Variants in RSU1 observed in about 807,000 individuals in gnomAD.
The protein encoded by RSU1 is rsu-1.
RSU1 carries 26 observed loss-of-function variants against 31.1 expected under a neutral mutation model. The ratio of observed to expected loss-of-function variants is 0.84; its 90% CI spans 0.61 to 1.16. RSU1 has a LOEUF of 1.16. Ranked by LOEUF, RSU1 falls within the 50% of genes most tolerant of loss-of-function variation. RSU1 has a pLI of 0.00. For missense variants in RSU1, 320 were observed against 339.1 expected, an observed-to-expected ratio of 0.94 and a Z score of 0.44; for synonymous variants, 164 against 136.3, an observed-to-expected ratio of 1.20 and a Z score of -1.41.
At chr10:16,806,236 A>G (rs1838264302) in intron 2 of RSU1, among the ~76,000 whole-genome samples, 1 of 152,204 alleles carries the variant, frequency 6.6e-6, no homozygotes, top group Admixed American at 6.5e-5. Flanking sequence ...ATTAGCCCAG[A>G]CAGGACAGCT....
At chr10:16,699,135 T>G (rs1365911747) in intron 7 of RSU1, among the ~76,000 whole-genome samples, 1 of 152,224 alleles carries the variant, frequency 6.6e-6, no homozygotes, top group Non-Finnish European at 1.5e-5. Context: ...GAAACTATTA[T>G]AAATGACAGA....
rs1169637557 is a variant in RSU1, at chr10:16,725,199, AAGAG to A, written c.598+27336_598+27339del. 3.3e-5 allele frequency among the ~76,000 whole-genome samples: 5 copies of A among 152,100 alleles called. No individual in the cohort carries two copies. In the East Asian group the frequency reaches 5.8e-4, roughly 18 times the overall value. On this transcript the variant is annotated intron_variant, in intron 7 of 8. Transcript: ENST00000345264. Reference sequence around the variant, plus strand: ...TTAATAAATATAGTAGAGATGGGAGAAGAGAGAGAGAATATGAATAAATAAAAAT... The same window carrying A: ...TTAATAAATATAGTAGAGATGGGAGAAGAGAGAATATGAATAAATAAAAAT...
intron 8 of RSU1, among the ~76,000 whole-genome samples, chr10:16,609,954 G>A (rs912999974): frequency 6.6e-6 from 1 of 152,092 alleles, no homozygotes; most frequent in Non-Finnish European, 1.5e-5. Context: ...AGCCATGAAT[G>A]TAGCTTTAAA....
rs78247117 is a variant in RSU1 at position 16,637,020 on chromosome 10, G to A, written c.732-43524C>T. Among the ~76,000 whole-genome samples the A allele has an allele frequency of 9.4e-3, 1,429 of 151,872 alleles. 21 individuals carry two copies. The highest frequency in any genetic ancestry group is 0.033 in the African/African-American group (1,371 of 41,466). On this transcript the variant is annotated intron_variant, in intron 8 of 8. Transcript: ENST00000345264. ...ATAAATATTGGCTGAATAAATGAATGAATAATAAAAAAACGGCTATGCTTG... is the reference window on the plus strand; with the variant it reads ...ATAAATATTGGCTGAATAAATGAATAAATAATAAAAAAACGGCTATGCTTG...
chr10:16,758,170 G>A (rs1243327941), intron 4 of RSU1, among the ~76,000 whole-genome samples: 3 of 152,016 alleles, frequency 2.0e-5, no homozygotes, highest in African/African-American at 4.8e-5. Context: ...CGGGCAGAAA[G>A]AAGTCCTTAA....
chr10:16,703,558 G>T (rs531104504), intron 7 of RSU1, among the ~76,000 whole-genome samples: 1 of 152,184 alleles, frequency 6.6e-6, no homozygotes, highest in South Asian at 2.1e-4. Flanking sequence ...ATGTCTAGGG[G>T]GTTGGTTCAT....
chr10:16,794,990 T>G (rs1181417935), intron 2 of RSU1, among the ~76,000 whole-genome samples: 1 of 152,230 alleles, frequency 6.6e-6, no homozygotes, highest in African/African-American at 2.4e-5. Flanking sequence ...GAAAAAAGAT[T>G]ATTTATGTAA....
intron 2 of RSU1, among the ~76,000 whole-genome samples, chr10:16,816,320 C>A (rs1416334884): frequency 6.6e-6 from 1 of 152,104 alleles, no homozygotes; most frequent in African/African-American, 2.4e-5. Context: ...CCCCTGACCG[C>A]CCTCACTTGG....
chr10:16,680,540 AG>A, intron 8 of RSU1, among the ~76,000 whole-genome samples: 1 of 152,290 alleles, frequency 6.6e-6, no homozygotes, highest in Non-Finnish European at 1.5e-5. Flanking sequence ...GGGAGGCCTC[AG>A]GAAGTTTACA....
intron 8 of RSU1, among the ~76,000 whole-genome samples, chr10:16,685,863 A>C (rs181974425): frequency 0.018 from 2,776 of 151,780 alleles, 44 homozygotes; most frequent in East Asian, 0.06. Context: ...AGTGGAAAAT[A>C]ATATTTTATT....
chr10:16,730,656 A>C (rs561298034), intron 7 of RSU1, among the ~76,000 whole-genome samples: 2 of 152,244 alleles, frequency 1.3e-5, no homozygotes, highest in Non-Finnish European at 2.9e-5. Context: ...TACTTGATAT[A>C]ATCTATAAAG....
chr10:16,669,559 A>C (rs1230341168), intron 8 of RSU1, among the ~76,000 whole-genome samples: 1 of 152,162 alleles, frequency 6.6e-6, no homozygotes. Context: ...ACTCATCTAC[A>C]AAAGCTGCCA....
chr10:16,627,762 C>CAAAA (rs74962434), intron 8 of RSU1, among the ~76,000 whole-genome samples: 130 of 67,348 alleles, frequency 1.9e-3, no homozygotes, highest in African/African-American at 4.0e-3. Context: ...CATCTCAATA[C>CAAAA]AAAAAAAAAA....
chr10:16,816,874 C>A, intron 2 of RSU1, 99 bp downstream of exon 2: 1 of 845,902 alleles, frequency 1.2e-6, no homozygotes, highest in South Asian at 1.5e-5. Context: ...GGGCTGGGGT[C>A]TAAACCAGTA....
At chr10:16,803,033 G>T (rs933715543) in intron 2 of RSU1, among the ~76,000 whole-genome samples, 1 of 152,110 alleles carries the variant, frequency 6.6e-6, no homozygotes, top group Non-Finnish European at 1.5e-5. Context: ...TGTTAACGCA[G>T]TAAGGTAAGA....
intron 3 of RSU1, among the ~76,000 whole-genome samples, chr10:16,769,867 T>A (rs1837388297): frequency 6.6e-6 from 1 of 152,232 alleles, no homozygotes. Flanking sequence ...ACGTTCAACG[T>A]GGATGCTACA....
At chr10:16,799,453 G>C (rs941139602) in intron 2 of RSU1, among the ~76,000 whole-genome samples, 1 of 152,108 alleles carries the variant, frequency 6.6e-6, no homozygotes, top group African/African-American at 2.4e-5. Context: ...AATGCCTCAA[G>C]GGTAACTGCC....
chr10:16,816,476 A>G (rs1011961710), intron 2 of RSU1, among the ~76,000 whole-genome samples: 13 of 152,218 alleles, frequency 8.5e-5, no homozygotes, highest in African/African-American at 3.1e-4. Context: ...GGATTTCACC[A>G]CAGCATGAGG....
At chr10:16,678,514 A>T (rs941987423) in intron 8 of RSU1, among the ~76,000 whole-genome samples, 11 of 152,356 alleles carry the variant, frequency 7.2e-5, no homozygotes, top group Admixed American at 4.6e-4. Flanking sequence ...GAGACTAAAA[A>T]GGAGGACTTC....
Sources: gnomAD v4.1 joint callset for allele counts (sites outside exome capture counted in the v4.1 genomes callset) on GRCh38, gnomAD v4.1.1 for gene constraint, MANE v1.5 for transcripts, NCBI Gene and HGNC (gene_info 2026-07-23, HGNC 2026-07-21) for gene names.